The following TMEM260 variants were observed in gnomAD, a reference collection of about 807,000 sequenced individuals.
TMEM260 encodes the protein transmembrane protein 260.
Under a neutral mutation model 88.9 loss-of-function variants are expected in TMEM260, and 82 were observed. That is an observed-to-expected ratio of 0.92 (90% CI 0.77 to 1.11). The LOEUF (loss-of-function observed/expected upper bound fraction) is 1.11, where lower values mean the gene tolerates loss of function less well. TMEM260 is among the 50% of genes least tolerant of loss of function. The pLI, the probability that TMEM260 is intolerant of heterozygous loss-of-function variation, is 0.00. For missense variants in TMEM260, 902 were observed against 853.4 expected (o/e 1.06, Z -0.71); for synonymous variants, 314 against 309.3 (o/e 1.02, Z -0.16).
chr14:56,659,255 G>GTTTTTTTT, the TMEM260 span, among the ~76,000 whole-genome samples: 1 of 119,756 alleles, frequency 8.4e-6, no homozygotes, highest in African/African-American at 3.0e-5. Flanking sequence ...TTGTTTTTTG[G>GTTTTTTTT]TTTTTGTTTT....
intron 15 of TMEM260, among the ~76,000 whole-genome samples, chr14:56,637,520 C>T (rs1032114294): frequency 6.6e-6 from 1 of 152,220 alleles, no homozygotes; most frequent in African/African-American, 2.4e-5. Context: ...CTCTGCTTTG[C>T]TATGACTTAC....
intron 7 of TMEM260, among the ~76,000 whole-genome samples, chr14:56,614,115 G>T (rs1330517126): frequency 1.3e-5 from 2 of 150,670 alleles, no homozygotes; most frequent in African/African-American, 4.9e-5. Context: ...CACCATGTTG[G>T]CCAGGCTGGT....
intron 4 of TMEM260, among the ~76,000 whole-genome samples, chr14:56,604,566 C>T (rs1241610021): frequency 6.6e-6 from 1 of 152,112 alleles, no homozygotes; most frequent in Admixed American, 6.5e-5. Context: ...TTAGTATAGG[C>T]AGCTTTGTGT....
At chr14:56,598,059 G>A (rs961894185) in intron 3 of TMEM260, among the ~76,000 whole-genome samples, 5 of 152,268 alleles carry the variant, frequency 3.3e-5, no homozygotes, top group African/African-American at 9.6e-5. Context: ...GTACAGGAGA[G>A]TGCAGTGCTG....
At chr14:56,598,158 T>A (rs985478909) in intron 3 of TMEM260, among the ~76,000 whole-genome samples, 2 of 148,780 alleles carry the variant, frequency 1.3e-5, no homozygotes, top group African/African-American at 2.5e-5. Flanking sequence ...GTGTGTAGAG[T>A]GAGAAAAGCA....
rs1316671629 is a variant in TMEM260, at chr14:56,603,795, C to T, written c.345-20C>T. The T allele has an allele frequency of 5.0e-6, 8 of 1,613,198 alleles. No individual in the cohort carries two copies. The African/African-American group carries it at 9.3e-5, about 19-fold the overall frequency. On this transcript the variant is annotated intron_variant, in intron 3 of 15. Coordinates refer to ENST00000261556, the MANE Select transcript of TMEM260 (RefSeq NM_017799.4). ...TTCTTTTTGTTGGAAAAGAAGATTT[C>T]ATGTTATCTGTGTTTGCAGGCTTTC...
chr14:56,617,958 G>A (rs1887688439), intron 9 of TMEM260, among the ~76,000 whole-genome samples: 1 of 152,136 alleles, frequency 6.6e-6, no homozygotes, highest in Non-Finnish European at 1.5e-5. Context: ...GCTTATATCT[G>A]TAGCCAAGGG....
At chr14:56,645,919 T>C (rs1288917567) in intron 15 of TMEM260, among the ~76,000 whole-genome samples, 3 of 152,204 alleles carry the variant, frequency 2.0e-5, no homozygotes, top group Non-Finnish European at 1.5e-5. Flanking sequence ...CCTTGATGTA[T>C]ATGAAAGTGC....
At chr14:56,605,043 T>C (rs1175412116) in intron 4 of TMEM260, among the ~76,000 whole-genome samples, 2 of 152,146 alleles carry the variant, frequency 1.3e-5, no homozygotes, top group Non-Finnish European at 2.9e-5. Flanking sequence ...GAGATGAACA[T>C]GGAAACTCAA....
chr14:56,632,581 T>G (rs907286983), intron 12 of TMEM260, among the ~76,000 whole-genome samples: 15 of 151,930 alleles, frequency 9.9e-5, no homozygotes, highest in African/African-American at 3.6e-4. Context: ...GAGCTTTTTT[T>G]ATCCTTATTT....
intron 1 of TMEM260, among the ~76,000 whole-genome samples, chr14:56,583,173 C>T (rs1885248065): frequency 6.6e-6 from 1 of 152,156 alleles, no homozygotes; most frequent in Non-Finnish European, 1.5e-5. Context: ...GACTTAAGAG[C>T]TAATCCATTA....
chr14:56,614,744 C>G (rs902059086), intron 7 of TMEM260, among the ~76,000 whole-genome samples: 3 of 152,060 alleles, frequency 2.0e-5, no homozygotes, highest in Admixed American at 2.0e-4. Flanking sequence ...CTGTGTGGAC[C>G]AAGTCATCAT....
chr14:56,594,647 C>T (rs1354905752), intron 3 of TMEM260, among the ~76,000 whole-genome samples: 1 of 152,154 alleles, frequency 6.6e-6, no homozygotes, highest in East Asian at 1.9e-4. Context: ...TACAGTTCAT[C>T]TGCACTTTAG....
intron 3 of TMEM260, among the ~76,000 whole-genome samples, chr14:56,588,566 A>G (rs185729516): frequency 4.5e-4 from 66 of 147,836 alleles, no homozygotes; most frequent in African/African-American, 1.0e-3. Flanking sequence ...TTTTTTGTCA[A>G]TCTTTCCTAA....
At chr14:56,619,409 G>C (rs1887779134) in intron 10 of TMEM260, 1 of 152,062 alleles carries the variant, frequency 6.6e-6, no homozygotes, top group Admixed American at 6.5e-5. Flanking sequence ...CTGGTCTCAA[G>C]CAAGCCTCCC....
At chr14:56,596,429 TACACAC>T (rs754452722) in intron 3 of TMEM260, among the ~76,000 whole-genome samples, 2 of 139,446 alleles carry the variant, frequency 1.4e-5, no homozygotes, top group African/African-American at 5.5e-5. Context: ...TATATATACA[TACACAC>T]ACATATACAT....
chr14:56,636,198 GT>G lies in TMEM260; in HGVS notation c.1779-307del, dbSNP rs530651191. 2.0e-3 allele frequency among the ~76,000 whole-genome samples: 307 copies of G among 152,236 alleles called. 2 individuals are homozygous for G. Among genetic ancestry groups the G allele is most frequent in the Middle Eastern group, 3.4e-3 (1 of 294 alleles). On this transcript the variant is annotated intron_variant, in intron 14 of 15. Transcript: ENST00000261556. ...AGGGATGTGTTGGCAGACTCAGCAG[GT>G]TTCCCTTTTCCTGGCTTCTCTTGCA...
intron 15 of TMEM260, 45 bp from the exon 16 acceptor site, chr14:56,647,197 AG>A (rs765497468): frequency 1.3e-6 from 2 of 1,533,656 alleles, no homozygotes; most frequent in Non-Finnish European, 8.7e-7. Flanking sequence ...AAAAAAAAAA[AG>A]TCAAAGAATA....
At position 56,580,104 on chromosome 14, in the gene TMEM260, T is replaced by C. The variant is rs1885015946; in HGVS notation, c.160+30T>C. The stretch of plus-strand genomic sequence containing the variant: ...AGTACTCGCAGGGTTGCCCCTTCTG[T>C]CCCTCTCCCCTGGTCCCAGAACGGG... On this transcript the variant is annotated intron_variant, in intron 1 of 15. Coordinates refer to ENST00000261556, the MANE Select transcript of TMEM260 (RefSeq NM_017799.4). 5.6e-6 allele frequency: 7 copies of C among 1,248,104 alleles called. No individual in the cohort carries two copies. In the East Asian group the frequency reaches 2.2e-4, roughly 39 times the overall value. The allele number at this position is 1,248,104 out of a possible 1,614,324, so 77.3% of individuals were successfully genotyped here.
Sources: gnomAD v4.1 joint callset for allele counts (sites outside exome capture counted in the v4.1 genomes callset) on GRCh38, gnomAD v4.1.1 for gene constraint, MANE v1.5 for transcripts, NCBI Gene and HGNC (gene_info 2026-07-23, HGNC 2026-07-21) for gene names.